Variants in CAST observed in about 807,000 individuals in gnomAD.
CAST encodes the protein MIR583 host.
In CAST, 76 loss-of-function variants were observed where a neutral mutation model predicts 119.6. The ratio of observed to expected loss-of-function variants is 0.64; its 90% confidence interval spans 0.53 to 0.77. CAST has a LOEUF of 0.77. Among genes scored for constraint, CAST ranks in the 30% least tolerant of loss-of-function variants. The probability of loss-of-function intolerance (pLI) is 0.00; values close to 1 mark genes in which losing one functional copy is unlikely to be tolerated. For synonymous variants in CAST, 319 were observed against 331.6 expected (o/e 0.96, Z 0.41); for missense variants, 953 against 946.5 (o/e 1.01, Z -0.09).
the CAST span, among the ~76,000 whole-genome samples, chr5:96,230,937 G>A: frequency 6.6e-6 from 1 of 151,998 alleles, no homozygotes; most frequent in Non-Finnish European, 1.5e-5. Context: ...AAACCACAAC[G>A]AGATACTACT....
the CAST span, among the ~76,000 whole-genome samples, chr5:96,501,720 C>T: frequency 6.6e-6 from 1 of 152,206 alleles, no homozygotes; most frequent in Non-Finnish European, 1.5e-5. Context: ...ACCATTAGAA[C>T]AGGAAATGTT....
intron 1 of CAST, among the ~76,000 whole-genome samples, chr5:96,613,083 A>C (rs1285581513): frequency 6.6e-6 from 1 of 152,236 alleles, no homozygotes; most frequent in Non-Finnish European, 1.5e-5. Flanking sequence ...CCAATAGCAC[A>C]CTGCCTGAAC....
intron 1 of CAST, among the ~76,000 whole-genome samples, chr5:96,585,339 C>G (rs926615065): frequency 1.3e-5 from 2 of 152,130 alleles, no homozygotes; most frequent in African/African-American, 4.8e-5. Flanking sequence ...TACCTCCAGC[C>G]CATCCTACCT....
chr5:96,142,793 C>T, the CAST span, among the ~76,000 whole-genome samples: 1 of 152,136 alleles, frequency 6.6e-6, no homozygotes, highest in Non-Finnish European at 1.5e-5. Flanking sequence ...TTGTGTGAGG[C>T]TTGGCAGCTT....
chr5:96,738,907 C>T (rs1475027222), intron 11 of CAST, among the ~76,000 whole-genome samples: 3 of 148,950 alleles, frequency 2.0e-5, no homozygotes, highest in Non-Finnish European at 4.4e-5. Context: ...TGCACTCCAG[C>T]CTGGGCAACA....
At chr5:96,444,688 A>G in the CAST span, among the ~76,000 whole-genome samples, 4 of 152,100 alleles carry the variant, frequency 2.6e-5, no homozygotes, top group Non-Finnish European at 5.9e-5. Flanking sequence ...TGGTTATAAT[A>G]TCTTCTCATG....
the CAST span, among the ~76,000 whole-genome samples, chr5:96,160,326 C>T: frequency 9.2e-5 from 14 of 152,028 alleles, no homozygotes; most frequent in Non-Finnish European, 1.9e-4. Flanking sequence ...CATGGATTTG[C>T]ATGTCCTGAA....
At chr5:96,161,922 G>A in the CAST span, among the ~76,000 whole-genome samples, 1 of 152,072 alleles carries the variant, frequency 6.6e-6, no homozygotes, top group African/African-American at 2.4e-5. Context: ...ATTGTTCATT[G>A]CTAGCAGATA....
chr5:96,730,918 T>A, intron 9 of CAST, 58 bp downstream of exon 9: 2 of 1,278,584 alleles, frequency 1.6e-6, no homozygotes, highest in Non-Finnish European at 2.3e-6. Flanking sequence ...GTTTCTTTTA[T>A]GAGAAACGTA....
the CAST span, chr5:96,425,895 T>G: frequency 6.2e-7 from 1 of 1,612,384 alleles, no homozygotes; most frequent in Non-Finnish European, 8.5e-7. Flanking sequence ...AACGTTTACT[T>G]CTTTCTTTTT....
At chr5:96,440,674 G>A in the CAST span, among the ~76,000 whole-genome samples, 2 of 152,020 alleles carry the variant, frequency 1.3e-5, no homozygotes, top group African/African-American at 4.8e-5. Context: ...ATTTAGGGTA[G>A]GGCCATACAT....
the CAST span, among the ~76,000 whole-genome samples, chr5:96,018,962 G>A: frequency 6.6e-6 from 1 of 152,164 alleles, no homozygotes. Flanking sequence ...ACGAGCTTGG[G>A]TGCTTGTAGA....
the CAST span, among the ~76,000 whole-genome samples, chr5:96,315,611 A>G: frequency 6.6e-6 from 1 of 152,238 alleles, no homozygotes; most frequent in Non-Finnish European, 1.5e-5. Flanking sequence ...TAACTATGGT[A>G]GATTAAAGAT....
chr5:96,004,836 T>A, the CAST span, among the ~76,000 whole-genome samples: 1 of 152,148 alleles, frequency 6.6e-6, no homozygotes, highest in Non-Finnish European at 1.5e-5. Flanking sequence ...AAGTACCCAC[T>A]GATTGCTTAG....
the CAST span, among the ~76,000 whole-genome samples, chr5:96,396,243 A>C: frequency 6.6e-6 from 1 of 152,314 alleles, no homozygotes; most frequent in African/African-American, 2.4e-5. Flanking sequence ...GACATCTCCA[A>C]GAACTTTAAA....
At chr5:96,326,006 C>T in the CAST span, among the ~76,000 whole-genome samples, 3 of 152,140 alleles carry the variant, frequency 2.0e-5, no homozygotes, top group South Asian at 6.2e-4. Context: ...CAAACTATTC[C>T]CAACGGAATA....
chr5:96,358,557 C>T, the CAST span, among the ~76,000 whole-genome samples: 1 of 152,052 alleles, frequency 6.6e-6, no homozygotes, highest in Non-Finnish European at 1.5e-5. Flanking sequence ...TTTCAAAGAA[C>T]TTATTTATTT....
chr5:96,482,043 C>T, the CAST span, among the ~76,000 whole-genome samples: 3 of 152,064 alleles, frequency 2.0e-5, no homozygotes, highest in African/African-American at 7.2e-5. Flanking sequence ...ATTTATGATG[C>T]CTTGGTGTAT....
intron 1 of CAST, among the ~76,000 whole-genome samples, chr5:96,575,322 C>T (rs1415432919): frequency 1.3e-5 from 2 of 152,002 alleles, no homozygotes; most frequent in African/African-American, 2.4e-5. Flanking sequence ...CTTGAAATTT[C>T]TACATAAACA....
Sources: gnomAD v4.1 joint callset for allele counts (sites outside exome capture counted in the v4.1 genomes callset) on GRCh38, gnomAD v4.1.1 for gene constraint, MANE v1.5 for transcripts, NCBI Gene and HGNC (gene_info 2026-07-23, HGNC 2026-07-21) for gene names.